The following NFIB variants were observed in gnomAD, a reference collection of about 807,000 sequenced individuals.
NFIB encodes the protein nuclear factor 1 B-type.
In NFIB, 11 loss-of-function variants were observed where a neutral mutation model predicts 61.5. The ratio of observed to expected loss-of-function variants is 0.18; its 90% confidence interval spans 0.11 to 0.30. The LOEUF is 0.30. NFIB is among the 10% of genes least tolerant of loss of function. The pLI, the probability that NFIB is intolerant of heterozygous loss-of-function variation, is 1.00. For synonymous variants in NFIB, 260 were observed against 216.5 expected (o/e 1.20, Z -1.76); for missense variants, 471 against 608.9 (o/e 0.77, Z 2.38).
chr9:14,366,633 G>A (rs1251422062), intron 1 of NFIB, among the ~76,000 whole-genome samples: 3 of 151,910 alleles, frequency 2.0e-5, no homozygotes, highest in East Asian at 1.9e-4. Context: ...TAACAGGCAC[G>A]TGCCACCATA....
chr9:14,291,738 G>A (rs1008422988), intron 2 of NFIB, among the ~76,000 whole-genome samples: 1 of 151,580 alleles, frequency 6.6e-6, no homozygotes, highest in East Asian at 1.9e-4. Flanking sequence ...ACACCCAAAA[G>A]CAGAACTTCT....
At chr9:14,467,792 G>A in the NFIB span, among the ~76,000 whole-genome samples, 1 of 152,150 alleles carries the variant, frequency 6.6e-6, no homozygotes, top group East Asian at 1.9e-4. Flanking sequence ...CCTTGCAGGA[G>A]GCCAAACATC....
At chr9:14,416,685 G>C in the NFIB span, among the ~76,000 whole-genome samples, 1 of 151,892 alleles carries the variant, frequency 6.6e-6, no homozygotes, top group Admixed American at 6.6e-5. Flanking sequence ...AGTAAGCTAA[G>C]ACTAATTTAT....
At chr9:14,427,542 C>T in the NFIB span, among the ~76,000 whole-genome samples, 1 of 152,186 alleles carries the variant, frequency 6.6e-6, no homozygotes, top group African/African-American at 2.4e-5. Context: ...CACTGGACTA[C>T]ACTCCACTAT....
intron 2 of NFIB, among the ~76,000 whole-genome samples, chr9:14,251,271 C>T (rs1161035582): frequency 2.0e-5 from 3 of 152,266 alleles, no homozygotes; most frequent in African/African-American, 7.2e-5. Flanking sequence ...TGCATACCAA[C>T]ACATAACGAA....
At chr9:14,287,227 C>A (rs1047034154) in intron 2 of NFIB, among the ~76,000 whole-genome samples, 1 of 151,152 alleles carries the variant, frequency 6.6e-6, no homozygotes, top group Non-Finnish European at 1.5e-5. Context: ...GTCAGGAGAT[C>A]GAGACCATCC....
chr9:14,321,865 CTG>C (rs2060669454), intron 1 of NFIB: 6 of 1,230,258 alleles, frequency 4.9e-6, no homozygotes, highest in East Asian at 6.3e-5. Flanking sequence ...AAAAGAAAAA[CTG>C]TGCCAGGGAT....
chr9:14,508,055 C>T, the NFIB span, among the ~76,000 whole-genome samples: 18 of 151,320 alleles, frequency 1.2e-4, no homozygotes, highest in Admixed American at 1.3e-4. Context: ...GAATATTAAG[C>T]ACATGAATCC....
chr9:14,142,921 T>C (rs559181236), intron 6 of NFIB, among the ~76,000 whole-genome samples: 1 of 152,256 alleles, frequency 6.6e-6, no homozygotes, highest in South Asian at 2.1e-4. Flanking sequence ...GATACCCCTT[T>C]GCTAGTGACT....
the NFIB span, among the ~76,000 whole-genome samples, chr9:14,484,914 A>C: frequency 7.4e-4 from 112 of 152,100 alleles, 1 homozygote; most frequent in Non-Finnish European, 1.4e-3. Context: ...AGTCCAAATC[A>C]GGGTGACAGC....
chr9:14,177,984 T>C (rs1036191027), intron 3 of NFIB, among the ~76,000 whole-genome samples: 8 of 152,184 alleles, frequency 5.3e-5, no homozygotes, highest in Non-Finnish European at 1.0e-4. Flanking sequence ...TAATTCCTTC[T>C]GTACATGTTC....
At chr9:14,459,112 A>C in the NFIB span, among the ~76,000 whole-genome samples, 1 of 151,526 alleles carries the variant, frequency 6.6e-6, no homozygotes, top group Non-Finnish European at 1.5e-5. Context: ...CCTGACTTCA[A>C]ACTATACTAC....
the NFIB span, among the ~76,000 whole-genome samples, chr9:14,430,771 G>A: frequency 6.6e-6 from 1 of 152,144 alleles, no homozygotes; most frequent in South Asian, 2.1e-4. Context: ...TCGTAGAGAG[G>A]GGGTTTTGTC....
intron 1 of NFIB, among the ~76,000 whole-genome samples, chr9:14,369,649 C>A (rs1261843685): frequency 6.6e-6 from 1 of 152,184 alleles, no homozygotes; most frequent in Non-Finnish European, 1.5e-5. Context: ...ATCTGGCACT[C>A]AAGTTAGAGA....
intron 2 of NFIB, among the ~76,000 whole-genome samples, chr9:14,281,489 T>C (rs2058366375): frequency 1.3e-5 from 2 of 152,146 alleles, no homozygotes; most frequent in South Asian, 2.1e-4. Flanking sequence ...CAAAAGAATG[T>C]AGAGAAATGA....
chr9:14,506,239 C>G, the NFIB span, among the ~76,000 whole-genome samples: 5 of 152,088 alleles, frequency 3.3e-5, no homozygotes, highest in Admixed American at 6.6e-5. Flanking sequence ...TTGGTTTATG[C>G]TGCTTGGGGG....
chr9:14,179,283 GC>G (rs2046492983), intron 3 of NFIB, among the ~76,000 whole-genome samples: 1 of 151,982 alleles, frequency 6.6e-6, no homozygotes, highest in African/African-American at 2.4e-5. Flanking sequence ...AAAAAGTCTT[GC>G]AAAAATCCTT....
chr9:14,482,190 G>T, the NFIB span, among the ~76,000 whole-genome samples: 1 of 151,530 alleles, frequency 6.6e-6, no homozygotes, highest in Non-Finnish European at 1.5e-5. Flanking sequence ...CTTAGTTCAC[G>T]AATCCCATCT....
intron 3 of NFIB, among the ~76,000 whole-genome samples, chr9:14,166,781 C>T (rs1172793003): frequency 6.6e-6 from 1 of 152,156 alleles, no homozygotes; most frequent in African/African-American, 2.4e-5. Context: ...GGGTTGTCCT[C>T]TATATCAATG....
Sources: gnomAD v4.1 joint callset for allele counts (sites outside exome capture counted in the v4.1 genomes callset) on GRCh38, gnomAD v4.1.1 for gene constraint, MANE v1.5 for transcripts, NCBI Gene and HGNC (gene_info 2026-07-23, HGNC 2026-07-21) for gene names.